LAMA5: variants seen among roughly 807,000 people sequenced by gnomAD.
LAMA5 encodes laminin subunit alpha 5.
A neutral mutation model predicts 433.4 loss-of-function variants in LAMA5; 260 were observed. The ratio of observed to expected loss-of-function variants is 0.60; its 90% CI spans 0.54 to 0.66. The LOEUF (loss-of-function observed/expected upper bound fraction) is 0.66. LAMA5 is among the 30% of genes least tolerant of loss of function. The pLI is 0.00. For synonymous variants in LAMA5, 2,620 were observed against 2,226.6 expected, an observed-to-expected ratio of 1.18 and a Z score of -4.97; for missense variants, 5,378 against 5,258.5, an observed-to-expected ratio of 1.02 and a Z score of -0.70.
chr20:62,324,717 C>T lies in LAMA5; in HGVS notation c.5530-163G>A. The T allele has an allele frequency of 1.7e-6, 1 of 601,946 alleles. No individual in the cohort carries two copies. The highest frequency in any genetic ancestry group is 3.0e-6 in the Non-Finnish European group (1 of 332,442). The allele number at this position is 601,946 out of a possible 1,614,324, so 37.3% of individuals were successfully genotyped here. On this transcript the variant is annotated intron_variant, in intron 41 of 79. Transcript: ENST00000252999. The surrounding 1 kb of genome is among the most constrained non-coding windows in gnomAD (Gnocchi z 4.4). ...CAGAGGCTGGTCAGGAACTCCTGGC[C>T]TCGGCCGGCTGGAGGTGGGCCAGCA...
chr20:62,337,148 C>T (rs910540566), intron 16 of LAMA5, among the ~76,000 whole-genome samples: 1 of 152,224 alleles, frequency 6.6e-6, no homozygotes, highest in South Asian at 2.1e-4. Flanking sequence ...GACATGAACA[C>T]GCACACCCAC....
chr20:62,344,340 T>C (rs1983040537), intron 11 of LAMA5, among the ~76,000 whole-genome samples: 1 of 151,834 alleles, frequency 6.6e-6, no homozygotes, highest in South Asian at 2.1e-4. Context: ...GGCTCTGACT[T>C]GAGAATATTT....
Position 62,362,408 on chromosome 20 carries a change from G to A in LAMA5, c.442C>T (p.Leu148=). ...CAAAGAAGGGTCCCTACCTGGCCCAGGTCCAGGGTGACGTTGACCTCGTTG... is the reference window on the plus strand; with the variant it reads ...CAAAGAAGGGTCCCTACCTGGCCCAAGTCCAGGGTGACGTTGACCTCGTTG... The part of the protein sequence containing the change: ...EYNEVNVTLD[L]GQVFHVAYVL... Residue 148 remains leucine, a synonymous_variant, in exon 2 of 80, where the codon CTG becomes TTG. Transcript: ENST00000252999. 1.3e-6 allele frequency: 2 copies of A among 1,552,142 alleles called. No homozygotes were observed.
At chr20:62,344,166 C>A (rs539392904) in intron 11 of LAMA5, among the ~76,000 whole-genome samples, 92 of 143,186 alleles carry the variant, frequency 6.4e-4, no homozygotes, top group Non-Finnish European at 6.2e-4. Context: ...AAAAAAAAGA[C>A]GTCATATCAA....
chr20:62,329,723 A>G (rs1180544431), intron 32 of LAMA5, 54 bp downstream of exon 32: 2 of 1,599,438 alleles, frequency 1.3e-6, no homozygotes, highest in Admixed American at 3.4e-5. Flanking sequence ...CCACAGTGGT[A>G]ATGACAAGTA....
In LAMA5 at chr20:62,313,111, C is replaced by T. The variant is rs374264581; in HGVS notation, c.8932G>A (p.Val2978Met). 5.0e-6 allele frequency: 8 copies of T among 1,609,266 alleles called. No individual in the cohort carries two copies. In the African/African-American group the frequency reaches 9.3e-5, roughly 19 times the overall value. Residue 2978 changes from valine to methionine, a missense_variant, in exon 65 of 80, where the codon GTG becomes ATG. Coordinates refer to ENST00000252999, the MANE Select transcript of LAMA5 (RefSeq NM_005560.6). Reference protein sequence around the residue: ...QELRLVSYSGVLFFLKQQSQF... With the variant: ...QELRLVSYSGMLFFLKQQSQF... Reference sequence around the variant, plus strand: ...ACCTGCTGCTTCAGGAAGAAGAGCACCCCGCTGTAGGACACGAGCCGCAGC... The same window carrying T: ...ACCTGCTGCTTCAGGAAGAAGAGCATCCCGCTGTAGGACACGAGCCGCAGC...
chr20:62,328,662 C>A (rs1568932869), intron 34 of LAMA5, among the ~76,000 whole-genome samples, 182 bp downstream of exon 34: 1 of 152,216 alleles, frequency 6.6e-6, no homozygotes, highest in South Asian at 2.1e-4. Flanking sequence ...ACCTGCTGGT[C>A]CCTGAAACCT....
intron 2 of LAMA5, among the ~76,000 whole-genome samples, chr20:62,358,779 T>A (rs1387667237): frequency 6.6e-6 from 1 of 152,098 alleles, no homozygotes; most frequent in Non-Finnish European, 1.5e-5. Context: ...CACCTCAGTT[T>A]CCCCAAGTGC....
intron 18 of LAMA5, among the ~76,000 whole-genome samples, chr20:62,335,733 C>T (rs1981476373): frequency 6.8e-6 from 1 of 147,776 alleles, no homozygotes. Context: ...CTCCAGCACC[C>T]CGAGGAAACC....
chr20:62,321,933 C>T (rs1186953935), intron 48 of LAMA5, 86 bp downstream of exon 48: 48 of 1,368,990 alleles, frequency 3.5e-5, no homozygotes, highest in South Asian at 4.7e-5. Flanking sequence ...TCTGGGAGGT[C>T]GACGTTAACA....
intron 6 of LAMA5, among the ~76,000 whole-genome samples, chr20:62,347,611 C>T (rs1030612732): frequency 3.7e-4 from 57 of 152,186 alleles, no homozygotes; most frequent in African/African-American, 1.4e-3. Context: ...CTGGGGTGGA[C>T]ACTAAGTCAC....
rs79188297 is a variant in LAMA5, at chr20:62,343,358, G to T, written c.1477+2460C>A. Among the ~76,000 whole-genome samples, 1,401 of 152,314 alleles carry T rather than the reference G, an allele frequency of 9.2e-3. 21 individuals carry two copies. Among genetic ancestry groups the T allele is most frequent in the African/African-American group, 0.032 (1,311 of 41,570 alleles). ...AGCATCTACATCCGACTCAGCCAGA[G>T]ATTCGGTAGAACAACGTGGGCAGAT... On this transcript the variant is annotated intron_variant, in intron 11 of 79. Coordinates refer to ENST00000252999, the MANE Select transcript of LAMA5 (RefSeq NM_005560.6).
chr20:62,362,842 C>G (rs114481343), intron 1 of LAMA5, among the ~76,000 whole-genome samples: 8,614 of 116,528 alleles, frequency 0.074, 286 homozygotes, highest in South Asian at 0.18. Flanking sequence ...GCCTCTCTAG[C>G]GGGGTGGCGT....
Position 62,332,489 on chromosome 20 carries a change from G to T in LAMA5, c.3444-9C>A, listed in dbSNP as rs1161826711. 3 of 1,611,330 alleles carry T rather than the reference G, an allele frequency of 1.9e-6. No individual in the cohort carries two copies. The highest frequency in any genetic ancestry group is 1.7e-6 in the Non-Finnish European group (2 of 1,179,102). ...TGCCCCGGCACAGGGTGCTGTGGGG[G>T]GAGGGTGGTCAGCAGGTGGGGCAGC... On this transcript the variant is annotated splice_polypyrimidine_tract_variant and intron_variant, in intron 27 of 79. Transcript: ENST00000252999.
intron 3 of LAMA5, among the ~76,000 whole-genome samples, 155 bp from the exon 4 acceptor site, chr20:62,352,515 G>T (rs938141633): frequency 6.6e-6 from 1 of 152,210 alleles, no homozygotes; most frequent in Non-Finnish European, 1.5e-5. Flanking sequence ...GGCTGAAGGG[G>T]CCTGGCCCGT....
Position 62,323,542 on chromosome 20 carries a change from C to T in LAMA5, c.5978G>A (p.Gly1993Asp). ...DCDPLTGACRGCLRHTTGPRC... is the reference protein window; with the variant it reads ...DCDPLTGACRDCLRHTTGPRC... ...GGGCCCAGTGGTGTGGCGCAGGCAG[C>T]CACGGCAGGCGCCCGTCAGGGGGTC... Residue 1993 changes from glycine to aspartate, a missense_variant, in exon 45 of 80, where the codon GGC becomes GAC. Gly to Asp is a moderately conservative substitution (Grantham distance 94, BLOSUM62 -1). Transcript: ENST00000252999. 1.3e-6 allele frequency: 2 copies of T among 1,588,422 alleles called. No homozygotes were observed. Among genetic ancestry groups the T allele is most frequent in the Non-Finnish European group, 8.5e-7 (1 of 1,170,350 alleles).
intron 3 of LAMA5, among the ~76,000 whole-genome samples, chr20:62,352,643 G>A (rs1053671590): frequency 2.0e-5 from 3 of 151,536 alleles, no homozygotes; most frequent in South Asian, 2.1e-4. Context: ...TCACTGACCC[G>A]CCCCTCCCCC....
At position 62,330,532 on chromosome 20, in the gene LAMA5, G is replaced by T. The variant is rs756703241; in HGVS notation, c.3935C>A (p.Thr1312Asn). 75 of 1,578,560 alleles carry T rather than the reference G, an allele frequency of 4.8e-5. No homozygotes were observed. Among genetic ancestry groups the T allele is most frequent in the Non-Finnish European group, 4.5e-5 (52 of 1,163,170 alleles). The part of the protein sequence containing the change: ...LLHGYQPAHP[T>N]FPVEVLINAG... ...GTTGATGAGGACTTCCACGGGGAAG[G>T]TGGGGTGGGCTGGCTGGTAGCCGTG... Residue 1312 changes from threonine (T) to asparagine (N), a missense_variant, in exon 31 of 80, where the codon ACC becomes AAC. Coordinates refer to ENST00000252999, the MANE Select transcript of LAMA5 (RefSeq NM_005560.6).
intron 52 of LAMA5, 52 bp downstream of exon 52, chr20:62,318,791 T>A: frequency 6.3e-7 from 1 of 1,593,516 alleles, no homozygotes; most frequent in South Asian, 1.1e-5. Context: ...CCCTTGGAGC[T>A]CCCAGGTCCC....
Sources: allele counts gnomAD v4.1 joint callset (sites outside exome capture counted in the v4.1 genomes callset), GRCh38; gene constraint gnomAD v4.1.1; non-coding constraint Gnocchi (gnomAD v3.1); transcripts MANE v1.5; gene names NCBI Gene and HGNC (gene_info 2026-07-23, HGNC 2026-07-21).